The following CNTNAP2 variants were observed in gnomAD, a reference collection of about 807,000 sequenced individuals.
The protein encoded by CNTNAP2 is contactin associated protein 2, also known as contactin-associated protein-like 2.
Under a neutral mutation model 155.2 loss-of-function variants are expected in CNTNAP2, and 98 were observed. The observed-to-expected ratio is 0.63, with a 90% CI of 0.54 to 0.75. CNTNAP2 has a LOEUF of 0.75. Ranked by LOEUF, CNTNAP2 falls within the 30% of genes least tolerant of loss-of-function variation. The pLI is 0.00. For missense variants in CNTNAP2, 1,727 were observed against 1,688.1 expected (o/e 1.02, Z -0.40); for synonymous variants, 651 against 631.2 (o/e 1.03, Z -0.47).
intron 12 of CNTNAP2, among the ~76,000 whole-genome samples, chr7:147,608,322 A>G (rs1359523768): frequency 6.6e-6 from 1 of 151,996 alleles, no homozygotes; most frequent in African/African-American, 2.4e-5. Context: ...TTGTAAGTAA[A>G]GGTCAAATTC....
At chr7:147,234,407 GGCTCACT>G (rs918797274) in intron 8 of CNTNAP2, among the ~76,000 whole-genome samples, 6 of 133,848 alleles carry the variant, frequency 4.5e-5, no homozygotes, top group African/African-American at 1.5e-4. Context: ...GCGCGATCTC[GGCTCACT>G]GCAAGCTCCG....
chr7:147,495,936 A>G (rs1052736139), intron 11 of CNTNAP2, among the ~76,000 whole-genome samples: 2 of 152,086 alleles, frequency 1.3e-5, no homozygotes, highest in African/African-American at 4.8e-5. Flanking sequence ...TTCCTGTCAG[A>G]TCACGGGCAG....
At chr7:146,627,039 A>G (rs1015720947) in intron 1 of CNTNAP2, among the ~76,000 whole-genome samples, 4 of 152,212 alleles carry the variant, frequency 2.6e-5, no homozygotes, top group African/African-American at 9.6e-5. Flanking sequence ...ATGGATTTAC[A>G]GTTCCAGATG....
intron 3 of CNTNAP2, among the ~76,000 whole-genome samples, chr7:146,893,110 A>C (rs549746962): frequency 6.6e-6 from 1 of 152,258 alleles, no homozygotes; most frequent in South Asian, 2.1e-4. Context: ...CATTTATTTT[A>C]TATCTCTTGC....
chr7:147,593,432 G>A (rs1370911805), intron 12 of CNTNAP2, among the ~76,000 whole-genome samples: 1 of 151,872 alleles, frequency 6.6e-6, no homozygotes, highest in African/African-American at 2.4e-5. Flanking sequence ...ACATGGCTCT[G>A]TTATTAATTT....
At chr7:146,613,344 A>G (rs1485641814) in intron 1 of CNTNAP2, among the ~76,000 whole-genome samples, 1 of 152,184 alleles carries the variant, frequency 6.6e-6, no homozygotes, top group Admixed American at 6.5e-5. Context: ...TTAATTTCTT[A>G]TCTCCAAATT....
At chr7:146,763,250 G>T (rs1411862725) in intron 1 of CNTNAP2, among the ~76,000 whole-genome samples, 1 of 152,022 alleles carries the variant, frequency 6.6e-6, no homozygotes, top group Non-Finnish European at 1.5e-5. Context: ...GGGGTTTGTT[G>T]TGCTAGAATT....
intron 21 of CNTNAP2, among the ~76,000 whole-genome samples, chr7:148,375,368 A>G (rs1489452307): frequency 1.4e-5 from 2 of 147,928 alleles, no homozygotes; most frequent in South Asian, 2.1e-4. Flanking sequence ...ATATATATAC[A>G]ATTTTTTTTG....
At chr7:146,245,220 C>T (rs1479193267) in intron 1 of CNTNAP2, among the ~76,000 whole-genome samples, 1 of 151,960 alleles carries the variant, frequency 6.6e-6, no homozygotes, top group African/African-American at 2.4e-5. Flanking sequence ...CAGAGAGATA[C>T]AGTCATGGGG....
At chr7:147,177,514 C>T (rs570820311) in intron 8 of CNTNAP2, among the ~76,000 whole-genome samples, 1 of 152,290 alleles carries the variant, frequency 6.6e-6, no homozygotes, top group East Asian at 1.9e-4. Flanking sequence ...ATTACCCGTT[C>T]TCAGGTATTG....
Position 148,329,049 on chromosome 7 carries a change from G to A in CNTNAP2, c.3476-54600G>A, listed in dbSNP as rs115744724. On this transcript the variant is annotated intron_variant, in intron 21 of 23. Transcript: ENST00000361727. ...CAGTTCAAGCCACTTCTCCCTCACT[G>A]TGTTCTCCATGCTGCTGCCTGGGGC... is the stretch of plus-strand genomic sequence containing the variant. 4.6e-3 allele frequency among the ~76,000 whole-genome samples: 658 copies of A among 144,536 alleles called. 6 individuals carry two copies. Among genetic ancestry groups the A allele is most frequent in the African/African-American group, 0.016 (628 of 38,812 alleles). 94.8% of individuals were successfully genotyped at this position (144,536 alleles called of 152,430 possible). A position where few individuals can be genotyped will look rare whatever the true frequency, so the allele number is the denominator to read the frequency against.
At chr7:147,697,402 G>A (rs948575904) in intron 13 of CNTNAP2, among the ~76,000 whole-genome samples, 2 of 151,334 alleles carry the variant, frequency 1.3e-5, no homozygotes, top group African/African-American at 4.9e-5. Flanking sequence ...GATCGATCTC[G>A]CCAACTGTGG....
intron 11 of CNTNAP2, among the ~76,000 whole-genome samples, chr7:147,509,459 G>C (rs1337254275): frequency 6.6e-6 from 1 of 152,028 alleles, no homozygotes; most frequent in African/African-American, 2.4e-5. Flanking sequence ...TGACTTTTTT[G>C]CTTGAAGGAA....
chr7:146,585,739 A>C (rs550449858), intron 1 of CNTNAP2, among the ~76,000 whole-genome samples: 31 of 146,402 alleles, frequency 2.1e-4, no homozygotes, highest in African/African-American at 8.2e-4. Flanking sequence ...AGAAAGAAAG[A>C]AAAAGAAAGA....
At chr7:147,947,266 C>T (rs4631378) in intron 14 of CNTNAP2, among the ~76,000 whole-genome samples, 38,663 of 151,620 alleles carry the variant, frequency 0.25, 5,928 homozygotes, top group Middle Eastern at 0.39. Flanking sequence ...GATGAGATTC[C>T]TAGGGAGGAG....
intron 1 of CNTNAP2, among the ~76,000 whole-genome samples, chr7:146,710,264 A>T (rs1010014885): frequency 1.3e-5 from 2 of 152,204 alleles, no homozygotes; most frequent in Non-Finnish European, 2.9e-5. Flanking sequence ...AACAAATGTC[A>T]TGGGGATCAG....
At chr7:146,294,966 A>G (rs1380207026) in intron 1 of CNTNAP2, among the ~76,000 whole-genome samples, 7 of 152,338 alleles carry the variant, frequency 4.6e-5, no homozygotes, top group Non-Finnish European at 1.0e-4. Context: ...CCATTAACCA[A>G]TTAATTATAA....
At chr7:146,633,702 G>A (rs570323844) in intron 1 of CNTNAP2, among the ~76,000 whole-genome samples, 1 of 151,796 alleles carries the variant, frequency 6.6e-6, no homozygotes, top group Non-Finnish European at 1.5e-5. Context: ...GATGGTGGGC[G>A]CCTGTAGTCC....
intron 20 of CNTNAP2, among the ~76,000 whole-genome samples, chr7:148,230,201 TTCTC>T (rs567067479): frequency 6.6e-6 from 1 of 152,098 alleles, no homozygotes; most frequent in Non-Finnish European, 1.5e-5. Context: ...AGCTGTATTT[TTCTC>T]TCTCTCTCTG....
Sources: allele counts gnomAD v4.1 joint callset (sites outside exome capture counted in the v4.1 genomes callset), GRCh38; gene constraint gnomAD v4.1.1; transcripts MANE v1.5; gene names NCBI Gene and HGNC (gene_info 2026-07-23, HGNC 2026-07-21).